FGD5: variants seen among roughly 807,000 people sequenced by gnomAD.
FGD5 encodes the protein FYVE, RhoGEF and PH domain-containing protein 5.
In FGD5, 28 loss-of-function variants were observed where a neutral mutation model predicts 133.4. That is an observed-to-expected ratio of 0.21 (90% CI 0.16 to 0.29). FGD5 has a LOEUF of 0.29. Among genes scored for constraint, FGD5 ranks in the 10% least tolerant of loss-of-function variants. The pLI, the probability that FGD5 is intolerant of heterozygous loss-of-function variation, is 1.00. For synonymous variants in FGD5, 810 were observed against 776.5 expected (o/e 1.04, Z -0.72); for missense variants, 1,858 against 1,895.2 (o/e 0.98, Z 0.36).
chr3:14,858,095 T>C (rs2125100003), intron 1 of FGD5, among the ~76,000 whole-genome samples: 1 of 152,276 alleles, frequency 6.6e-6, no homozygotes, highest in East Asian at 1.9e-4. Flanking sequence ...GTGAAGAGGA[T>C]AGGCTCAGAA....
chr3:14,819,095 C>T lies in FGD5; in HGVS notation c.24C>T (p.Pro8=). 1 of 1,549,862 alleles carries T rather than the reference C, an allele frequency of 6.5e-7. No homozygotes were observed. The highest frequency in any genetic ancestry group is 8.7e-7 in the Non-Finnish European group (1 of 1,146,910). Residue 8 remains proline (P), a synonymous_variant, in exon 1 of 20, where the codon CCC becomes CCT. Coordinates refer to ENST00000285046, the MANE Select transcript of FGD5 (RefSeq NM_152536.4). The surrounding 1 kb of genome is among the most constrained non-coding windows in gnomAD (Gnocchi z 4.1). ...CCATGTTCAGGGGTCCGAAGCCCCC[C>T]ATTGCCCCCAAGCCCAGGCTGACTG... MFRGPKP[P]IAPKPRLTAP...
chr3:14,907,854 C>A (rs778809814), intron 10 of FGD5, 143 bp downstream of exon 10: 9 of 773,198 alleles, frequency 1.2e-5, no homozygotes, highest in Non-Finnish European at 2.1e-6. Context: ...TGGGCGTGGG[C>A]TCACTGGATT....
chr3:14,861,706 G>A (rs2037400685), intron 1 of FGD5, among the ~76,000 whole-genome samples: 1 of 152,152 alleles, frequency 6.6e-6, no homozygotes, highest in African/African-American at 2.4e-5. Flanking sequence ...AGAGCCCCCA[G>A]GTTCTGTGAT....
intron 1 of FGD5, among the ~76,000 whole-genome samples, chr3:14,858,029 C>A (rs2037319370): frequency 6.6e-6 from 1 of 152,118 alleles, no homozygotes. Context: ...CCCACCCTCT[C>A]CACCTCTGAG....
At chr3:14,847,029 G>A (rs1378166902) in intron 1 of FGD5, among the ~76,000 whole-genome samples, 1 of 152,138 alleles carries the variant, frequency 6.6e-6, no homozygotes, top group East Asian at 1.9e-4. Context: ...TAGCCTGCTG[G>A]GAGAGTTGTT....
chr3:14,918,528 A>C (rs2038607633), intron 12 of FGD5, among the ~76,000 whole-genome samples: 1 of 152,218 alleles, frequency 6.6e-6, no homozygotes, highest in Non-Finnish European at 1.5e-5. Flanking sequence ...CTGGGCCCTG[A>C]GCATGACGCT....
Position 14,900,452 on chromosome 3 carries a change from G to T in FGD5, c.3204G>T (p.Gln1068His), listed in dbSNP as rs1001635849. 2 of 1,613,266 alleles carry T rather than the reference G, an allele frequency of 1.2e-6. No individual in the cohort carries two copies. The highest frequency in any genetic ancestry group is 8.5e-7 in the Non-Finnish European group (1 of 1,179,606). The change falls in exon 8 of 20, where the codon CAG becomes CAT. Residue 1068 changes from glutamine (Q) to histidine (H), a missense_variant and splice_region_variant. Physicochemically the swap from Gln to His is conservative, Grantham distance 24. Coordinates refer to ENST00000285046, the MANE Select transcript of FGD5 (RefSeq NM_152536.4). Reference sequence around the variant, plus strand: ...ACTCCGCCGAGTACGACAACACACAGGGTGAGTCCAGCGTGAATGCGGAGG... The same window carrying T: ...ACTCCGCCGAGTACGACAACACACATGGTGAGTCCAGCGTGAATGCGGAGG... ...CPDSAEYDNT[Q>H]GALSLISKVT...
intron 4 of FGD5, among the ~76,000 whole-genome samples, chr3:14,889,714 C>T (rs943854731): frequency 9.9e-5 from 15 of 152,122 alleles, no homozygotes; most frequent in East Asian, 1.9e-4. Context: ...TTGGTATTGT[C>T]GGCCTCTGTA....
Position 14,820,380 on chromosome 3 carries a change from C to G in FGD5, c.1309C>G (p.Pro437Ala). 1.2e-6 allele frequency: 2 copies of G among 1,613,656 alleles called. No individual in the cohort carries two copies. The highest frequency in any genetic ancestry group is 1.7e-6 in the Non-Finnish European group (2 of 1,179,760). The change falls in exon 1 of 20, where the codon CCC becomes GCC. Residue 437 changes from proline (P) to alanine (A), a missense_variant. Transcript: ENST00000285046. ...ANPYVMGVGL[P>A]GQAAPGEGGQ... ...CCCCTATGTGATGGGAGTGGGCCTG[C>G]CCGGTCAGGCGGCCCCTGGAGAAGG...
intron 18 of FGD5, chr3:14,931,220 C>A (rs894891906): frequency 2.0e-5 from 3 of 152,156 alleles, no homozygotes; most frequent in Non-Finnish European, 4.4e-5. Context: ...TCCTTCTACT[C>A]TAGTTTGCTA....
At chr3:14,852,673 C>T (rs562694390) in intron 1 of FGD5, among the ~76,000 whole-genome samples, 1 of 152,318 alleles carries the variant, frequency 6.6e-6, no homozygotes, top group African/African-American at 2.4e-5. Flanking sequence ...GGGGATGTCT[C>T]TGGTCAGAAA....
chr3:14,875,962 G>A (rs1316647270), intron 2 of FGD5, among the ~76,000 whole-genome samples: 2 of 152,204 alleles, frequency 1.3e-5, no homozygotes. Context: ...GCTTGGCAAA[G>A]GACTGGCAGA....
rs140640839 is a variant in FGD5, at chr3:14,869,337, C to T, written c.2658+5077C>T. Among the ~76,000 whole-genome samples, 857 of 151,924 alleles carry T rather than the reference C, an allele frequency of 5.6e-3. 5 individuals carry two copies. Among genetic ancestry groups the T allele is most frequent in the Non-Finnish European group, 7.2e-3 (488 of 67,930 alleles). On this transcript the variant is annotated intron_variant, in intron 2 of 19. Transcript: ENST00000285046. ...CAAACAAACAAACAAACAAACAAAA[C>T]TGGCTATGGTCGTGAGGAACAGAGC...
chr3:14,864,368 G>C, intron 2 of FGD5, 108 bp downstream of exon 2: 1 of 1,530,996 alleles, frequency 6.5e-7, no homozygotes, highest in Non-Finnish European at 8.9e-7. Flanking sequence ...TTTGCAGATA[G>C]CTGGCCCCAG....
At chr3:14,873,197 A>G (rs1264742486) in intron 2 of FGD5, among the ~76,000 whole-genome samples, 2 of 152,154 alleles carry the variant, frequency 1.3e-5, no homozygotes, top group African/African-American at 4.8e-5. Context: ...TGGGAACTCA[A>G]TCTTTAAGGT....
Position 14,917,154 on chromosome 3 carries a change from C to G in FGD5, c.3406-95C>G. ...GGGGGTTACTGAGGAATACAAGATG[C>G]CTGTGCACAGCGGAGCTCAGGGATC... On this transcript the variant is annotated intron_variant, in intron 11 of 19. Coordinates refer to ENST00000285046, the MANE Select transcript of FGD5 (RefSeq NM_152536.4). The surrounding 1 kb of genome is among the most constrained non-coding windows in gnomAD (Gnocchi z 4.1). 1 of 1,116,332 alleles carries G rather than the reference C, an allele frequency of 9.0e-7. No individual in the cohort carries two copies. The highest frequency in any genetic ancestry group is 1.3e-6 in the Non-Finnish European group (1 of 773,930). 69.2% of individuals were successfully genotyped at this position (1,116,332 alleles called of 1,614,324 possible). A position where few individuals can be genotyped will look rare whatever the true frequency, so the allele number is the denominator to read the frequency against.
At chr3:14,852,751 C>T (rs1179646380) in intron 1 of FGD5, among the ~76,000 whole-genome samples, 6 of 152,158 alleles carry the variant, frequency 3.9e-5, no homozygotes, top group Non-Finnish European at 7.4e-5. Flanking sequence ...GTCTCTCCTT[C>T]GGTCATGTTT....
intron 1 of FGD5, among the ~76,000 whole-genome samples, chr3:14,853,486 G>A (rs966051908): frequency 6.8e-6 from 1 of 148,050 alleles, no homozygotes; most frequent in African/African-American, 2.5e-5. Context: ...TGCTGGGCTG[G>A]TGAGCTTCAG....
chr3:14,907,002 A>G (rs1456312524), intron 9 of FGD5, among the ~76,000 whole-genome samples: 2 of 152,222 alleles, frequency 1.3e-5, no homozygotes, highest in Non-Finnish European at 1.5e-5. Flanking sequence ...GCCCAAAACC[A>G]TAGATAATGG....
Sources: gnomAD v4.1 joint callset for allele counts (sites outside exome capture counted in the v4.1 genomes callset) on GRCh38, gnomAD v4.1.1 for gene constraint, Gnocchi (gnomAD v3.1) non-coding constraint, MANE v1.5 for transcripts, NCBI Gene and HGNC (gene_info 2026-07-23, HGNC 2026-07-21) for gene names.